The following GRM7 variants were observed in gnomAD, a reference collection of about 807,000 sequenced individuals.
GRM7 encodes glutamate metabotropic receptor 7, also known as metabotropic glutamate receptor 7.
In GRM7, 35 loss-of-function variants were observed where a neutral mutation model predicts 84.5. That is an observed-to-expected ratio of 0.41 (90% CI 0.32 to 0.55). The LOEUF (loss-of-function observed/expected upper bound fraction) is 0.55. GRM7 is among the 20% of genes least tolerant of loss of function. The pLI, the probability that GRM7 is intolerant of heterozygous loss-of-function variation, is 0.19. For synonymous variants in GRM7, 487 were observed against 455.1 expected (o/e 1.07, Z -0.89); for missense variants, 1,003 against 1,194.6 (o/e 0.84, Z 2.36).
At chr3:7,004,737 A>C (rs1443454472) in intron 1 of GRM7, among the ~76,000 whole-genome samples, 6 of 152,190 alleles carry the variant, frequency 3.9e-5, no homozygotes, top group African/African-American at 1.4e-4. Flanking sequence ...TGAATGGATT[A>C]AAAATCCAAT....
chr3:7,606,012 T>A (rs1284873309), intron 8 of GRM7, among the ~76,000 whole-genome samples: 1 of 152,218 alleles, frequency 6.6e-6, no homozygotes, highest in Non-Finnish European at 1.5e-5. Flanking sequence ...ATACTGTTGT[T>A]GCCTGTATCA....
chr3:7,651,148 GTTTC>G (rs1481350989), intron 8 of GRM7, among the ~76,000 whole-genome samples: 1 of 152,164 alleles, frequency 6.6e-6, no homozygotes, highest in Non-Finnish European at 1.5e-5. Flanking sequence ...GACCCAAAGG[GTTTC>G]TTTCTCCTTT....
intron 1 of GRM7, among the ~76,000 whole-genome samples, chr3:7,038,772 G>T (rs1477236662): frequency 6.6e-6 from 1 of 152,182 alleles, no homozygotes; most frequent in Non-Finnish European, 1.5e-5. Context: ...AGGAAGCTGA[G>T]GCAGGTGAGA....
In GRM7 at chr3:6,862,820, G is replaced by C; in HGVS notation, c.519+913G>C. ...CCCGGAGCGAGGCATGAAGGCGCCCGTTGGGAGGCAGAGGGGTGCGTGAAG... is the reference window on the plus strand; with the variant it reads ...CCCGGAGCGAGGCATGAAGGCGCCCCTTGGGAGGCAGAGGGGTGCGTGAAG... On this transcript the variant is annotated intron_variant, in intron 1 of 9. Transcript: ENST00000357716. This position sits in a 1 kb window ranked among gnomAD's most constrained non-coding sequence, Gnocchi z 5.2. The C allele has an allele frequency of 6.7e-6, 2 of 298,872 alleles. No individual in the cohort carries two copies. The highest frequency in any genetic ancestry group is 1.3e-5 in the Non-Finnish European group (2 of 149,710). 18.5% of individuals were successfully genotyped at this position (298,872 alleles called of 1,614,324 possible). A position where few individuals can be genotyped will look rare whatever the true frequency, so the allele number is the denominator to read the frequency against.
intron 8 of GRM7, among the ~76,000 whole-genome samples, chr3:7,592,774 T>C (rs1695856929): frequency 6.6e-6 from 1 of 152,212 alleles, no homozygotes; most frequent in Non-Finnish European, 1.5e-5. Flanking sequence ...CCACAGTTTC[T>C]TCAGGAAATA....
chr3:7,054,533 T>C (rs1374288897), intron 1 of GRM7, among the ~76,000 whole-genome samples: 1 of 151,852 alleles, frequency 6.6e-6, no homozygotes, highest in Non-Finnish European at 1.5e-5. Flanking sequence ...CATTGGTCCC[T>C]GTTTAAGTGG....
chr3:7,256,361 T>G (rs915610961), intron 2 of GRM7, among the ~76,000 whole-genome samples: 1 of 152,210 alleles, frequency 6.6e-6, no homozygotes, highest in Admixed American at 6.5e-5. Context: ...ATTGACTAAA[T>G]AAGTGAAAGA....
chr3:7,452,283 G>A (rs747348476), intron 5 of GRM7, among the ~76,000 whole-genome samples: 1 of 152,062 alleles, frequency 6.6e-6, no homozygotes, highest in Non-Finnish European at 1.5e-5. Context: ...TAGAGTAAGC[G>A]AGCTTTTCAG....
intron 7 of GRM7, among the ~76,000 whole-genome samples, chr3:7,575,082 A>G (rs1414577712): frequency 6.6e-6 from 1 of 152,146 alleles, no homozygotes. Flanking sequence ...CTCTTTCCCT[A>G]AACTACTGAT....
intron 2 of GRM7, among the ~76,000 whole-genome samples, chr3:7,250,392 A>G (rs1697934473): frequency 4.1e-4 from 1 of 2,418 alleles, no homozygotes; most frequent in African/African-American, 1.8e-3. Context: ...ATTTAACTAT[A>G]GAAATATATT....
intron 4 of GRM7, among the ~76,000 whole-genome samples, chr3:7,351,269 C>T (rs1319810828): frequency 7.2e-6 from 1 of 138,234 alleles, no homozygotes; most frequent in Non-Finnish European, 1.5e-5. Context: ...GCAGGGGCTA[C>T]ATGCTGCCCT....
chr3:7,673,633 G>T (rs1271645350), intron 8 of GRM7, among the ~76,000 whole-genome samples: 1 of 152,002 alleles, frequency 6.6e-6, no homozygotes, highest in Non-Finnish European at 1.5e-5. Context: ...CTGATAAAAA[G>T]TGACCTGAAA....
intron 2 of GRM7, among the ~76,000 whole-genome samples, chr3:7,280,113 C>G (rs962383637): frequency 1.3e-5 from 2 of 152,172 alleles, no homozygotes; most frequent in Non-Finnish European, 2.9e-5. Context: ...ATTGAAAAGT[C>G]AGGGATATTT....
chr3:7,434,855 A>G (rs190756452), intron 5 of GRM7, among the ~76,000 whole-genome samples: 1 of 152,170 alleles, frequency 6.6e-6, no homozygotes, highest in Non-Finnish European at 1.5e-5. Context: ...GAAAGAGTTC[A>G]TGCATATTTT....
intron 1 of GRM7, among the ~76,000 whole-genome samples, chr3:6,938,964 T>A (rs1357308943): frequency 6.6e-6 from 1 of 152,172 alleles, no homozygotes; most frequent in Non-Finnish European, 1.5e-5. Context: ...TGGCAGAAAA[T>A]CAAATTAATT....
chr3:6,926,674 GGC>G (rs372987388), intron 1 of GRM7, among the ~76,000 whole-genome samples: 4,827 of 152,266 alleles, frequency 0.032, 236 homozygotes, highest in African/African-American at 0.11. Context: ...CCATTAGCTT[GGC>G]CTGTTTCTTG....
At chr3:7,409,792 G>A (rs552368748) in intron 4 of GRM7, among the ~76,000 whole-genome samples, 1 of 152,128 alleles carries the variant, frequency 6.6e-6, no homozygotes, top group African/African-American at 2.4e-5. Context: ...AGTAGAGGTA[G>A]GGTTTCACCA....
At chr3:7,376,034 T>C (rs1353779257) in intron 4 of GRM7, among the ~76,000 whole-genome samples, 1 of 152,200 alleles carries the variant, frequency 6.6e-6, no homozygotes, top group Non-Finnish European at 1.5e-5. Context: ...GTAGATGATA[T>C]TGTCCCAGGT....
At chr3:6,881,920 A>ATT (rs1436226238) in intron 1 of GRM7, among the ~76,000 whole-genome samples, 2 of 76,574 alleles carry the variant, frequency 2.6e-5, no homozygotes, top group South Asian at 5.7e-4. Context: ...AGGCAATTGA[A>ATT]TTGTGTGTGT....
Sources: allele counts gnomAD v4.1 joint callset (sites outside exome capture counted in the v4.1 genomes callset), GRCh38; gene constraint gnomAD v4.1.1; non-coding constraint Gnocchi (gnomAD v3.1); transcripts MANE v1.5; gene names NCBI Gene and HGNC (gene_info 2026-07-23, HGNC 2026-07-21).